Variants in PRPSAP2 observed in about 807,000 individuals in gnomAD.
The protein encoded by PRPSAP2 is phosphoribosyl pyrophosphate synthase-associated protein 2.
Under a neutral mutation model 40.6 loss-of-function variants are expected in PRPSAP2, and 24 were observed. The ratio of observed to expected loss-of-function variants is 0.59; its 90% CI spans 0.43 to 0.83. The LOEUF is 0.83. PRPSAP2 is among the 40% of genes least tolerant of loss of function. The pLI, the probability that PRPSAP2 is intolerant of heterozygous loss-of-function variation, is 0.00. For missense variants in PRPSAP2, 292 were observed against 465.6 expected (o/e 0.63, Z 3.43); for synonymous variants, 149 against 164.7 (o/e 0.90, Z 0.73).
intron 8 of PRPSAP2, among the ~76,000 whole-genome samples, chr17:18,907,352 A>G (rs1184541565): frequency 6.6e-6 from 1 of 152,210 alleles, no homozygotes; most frequent in Non-Finnish European, 1.5e-5. Flanking sequence ...CAAGAGGACA[A>G]AACAGTTCTA....
intron 5 of PRPSAP2, 149 bp from the exon 6 acceptor site, chr17:18,877,549 C>A: frequency 1.5e-6 from 1 of 647,488 alleles, no homozygotes; most frequent in Non-Finnish European, 2.5e-6. Flanking sequence ...TTATGGAGGC[C>A]TGAGAAAAGA....
At chr17:18,885,381 G>A (rs1279208143) in intron 7 of PRPSAP2, among the ~76,000 whole-genome samples, 2 of 113,490 alleles carry the variant, frequency 1.8e-5, no homozygotes, top group Non-Finnish European at 1.6e-5. Flanking sequence ...TGATCTGGGC[G>A]ACAGAGTGAG....
At chr17:18,869,836 T>TGTGTGTGTGTGTG (rs2037717587) in intron 4 of PRPSAP2, among the ~76,000 whole-genome samples, 1 of 141,268 alleles carries the variant, frequency 7.1e-6, no homozygotes, top group African/African-American at 2.8e-5. Context: ...TTTTGCTACT[T>TGTGTGTGTGTGTG]TTTTTTTGTG....
chr17:18,880,260 C>T (rs1356125062), intron 6 of PRPSAP2, among the ~76,000 whole-genome samples: 2 of 152,206 alleles, frequency 1.3e-5, no homozygotes, highest in Non-Finnish European at 2.9e-5. Context: ...GGCCTCCAGA[C>T]TTACTTTCCT....
At chr17:18,923,780 C>T (rs909083102) in intron 9 of PRPSAP2, 134 bp from the exon 10 acceptor site, 8 of 803,984 alleles carry the variant, frequency 1.0e-5, no homozygotes, top group Non-Finnish European at 1.5e-5. Context: ...TTGTAGTTGC[C>T]CTTAATCAGA....
intron 11 of PRPSAP2, 33 bp downstream of exon 11, chr17:18,928,990 G>A (rs772779345): frequency 6.3e-7 from 1 of 1,593,476 alleles, no homozygotes; most frequent in Non-Finnish European, 8.6e-7. Context: ...GGGTACAGCT[G>A]CCTGGGCTTT....
At chr17:18,925,220 A>T (rs921936368) in intron 10 of PRPSAP2, among the ~76,000 whole-genome samples, 1 of 152,174 alleles carries the variant, frequency 6.6e-6, no homozygotes, top group East Asian at 1.9e-4. Context: ...AGTGCACTTC[A>T]TGCCTGTATA....
chr17:18,920,391 C>T (rs538677458), intron 9 of PRPSAP2, among the ~76,000 whole-genome samples: 50 of 152,172 alleles, frequency 3.3e-4, no homozygotes, highest in African/African-American at 1.1e-3. Flanking sequence ...TTTCTTTACT[C>T]GTGGGATCTT....
At chr17:18,923,568 T>C (rs1220986314) in intron 9 of PRPSAP2, among the ~76,000 whole-genome samples, 1 of 152,244 alleles carries the variant, frequency 6.6e-6, no homozygotes, top group African/African-American at 2.4e-5. Flanking sequence ...TGTAGGAACA[T>C]GTCATCTGCT....
intron 10 of PRPSAP2, chr17:18,928,418 CAG>C: frequency 3.9e-6 from 1 of 256,644 alleles, no homozygotes; most frequent in South Asian, 4.7e-5. Context: ...TTCTATTACC[CAG>C]AGTCAAAAAC....
chr17:18,869,849 T>C (rs1019739920), intron 4 of PRPSAP2, among the ~76,000 whole-genome samples: 1 of 150,042 alleles, frequency 6.7e-6, no homozygotes, highest in Non-Finnish European at 1.5e-5. Context: ...TTTTTGTGTG[T>C]GTGTGTGTGT....
chr17:18,926,786 G>GTA (rs2042003139), intron 10 of PRPSAP2, among the ~76,000 whole-genome samples: 2 of 127,984 alleles, frequency 1.6e-5, no homozygotes, highest in Non-Finnish European at 3.6e-5. Context: ...GAGTGTGTGT[G>GTA]TGTGTGTGTG....
At chr17:18,915,277 C>G (rs1350228002) in intron 9 of PRPSAP2, among the ~76,000 whole-genome samples, 1 of 152,126 alleles carries the variant, frequency 6.6e-6, no homozygotes, top group Non-Finnish European at 1.5e-5. Context: ...CCTTCCACCT[C>G]AGCCTCCCAA....
rs528454485 is a variant in PRPSAP2, at chr17:18,902,344, G to A, written c.585-8759G>A. On this transcript the variant is annotated intron_variant, in intron 8 of 11. Coordinates refer to ENST00000268835, the MANE Select transcript of PRPSAP2 (RefSeq NM_002767.4). Reference sequence around the variant, plus strand: ...CTGATGAGGCCTAGGAAGATGCCCTGTAGGAATGCATGTGTAGCGTCAGAT... The same window carrying A: ...CTGATGAGGCCTAGGAAGATGCCCTATAGGAATGCATGTGTAGCGTCAGAT... Among the ~76,000 whole-genome samples, 5 of 152,300 alleles carry A rather than the reference G, an allele frequency of 3.3e-5. No individual in the cohort carries two copies. In the East Asian group the frequency reaches 9.6e-4, roughly 29 times the overall value.
chr17:18,929,194 T>G (rs2042128007), intron 11 of PRPSAP2, among the ~76,000 whole-genome samples: 1 of 151,766 alleles, frequency 6.6e-6, no homozygotes, highest in Non-Finnish European at 1.5e-5. Flanking sequence ...CCGTCTCTAC[T>G]AAAAATACAA....
In PRPSAP2 at chr17:18,872,623, T is replaced by C; in HGVS notation, c.213T>C (p.Asp71=). ...VQIQESVRGK[D]VFIIQTVSKD... ...TTCAAGAGTCTGTGAGGGGAAAAGA[T>C]GTTTTCATCATCCAAACTGTTTCGA... Residue 71 remains aspartate (D), a synonymous_variant, in exon 5 of 12, where the codon GAT becomes GAC. Coordinates refer to ENST00000268835, the MANE Select transcript of PRPSAP2 (RefSeq NM_002767.4). The C allele has an allele frequency of 1.3e-6, 2 of 1,599,564 alleles. No individual in the cohort carries two copies. Among genetic ancestry groups the C allele is most frequent in the Non-Finnish European group, 1.7e-6 (2 of 1,166,996 alleles).
In PRPSAP2 at chr17:18,888,938, G is replaced by A. The variant is rs548933201; in HGVS notation, c.529-884G>A. Among the ~76,000 whole-genome samples, 8 of 152,244 alleles carry A rather than the reference G, an allele frequency of 5.3e-5. No individual in the cohort carries two copies. The South Asian group carries it at 1.7e-3, about 32-fold the overall frequency. On this transcript the variant is annotated intron_variant, in intron 7 of 11. Coordinates refer to ENST00000268835, the MANE Select transcript of PRPSAP2 (RefSeq NM_002767.4). ...TTTTTGTTAGAGTCCTTTCTTTTAG[G>A]TCCTTTAATTGTTATTAACTGTTTT...
intron 9 of PRPSAP2, among the ~76,000 whole-genome samples, chr17:18,913,958 G>A (rs938357138): frequency 1.3e-5 from 2 of 151,314 alleles, no homozygotes; most frequent in East Asian, 2.0e-4. Flanking sequence ...GGTGGATCAC[G>A]AGGTCAGGAG....
At chr17:18,880,943 C>T (rs1444196072) in intron 6 of PRPSAP2, among the ~76,000 whole-genome samples, 5 of 152,112 alleles carry the variant, frequency 3.3e-5, no homozygotes, top group South Asian at 4.1e-4. Context: ...AAGTGATTCT[C>T]CTGCCTCAGC....
Sources: allele counts gnomAD v4.1 joint callset (sites outside exome capture counted in the v4.1 genomes callset), GRCh38; gene constraint gnomAD v4.1.1; transcripts MANE v1.5; gene names NCBI Gene and HGNC (gene_info 2026-07-23, HGNC 2026-07-21).